PXDNL: variants seen among roughly 807,000 people sequenced by gnomAD.
PXDNL encodes the protein peroxidasin like, also known as probable oxidoreductase PXDNL.
A neutral mutation model predicts 150.8 loss-of-function variants in PXDNL; 145 were observed. The ratio of observed to expected loss-of-function variants is 0.96; its 90% CI spans 0.84 to 1.10. The LOEUF (loss-of-function observed/expected upper bound fraction) is 1.10. PXDNL is among the 50% of genes least tolerant of loss of function. The probability of loss-of-function intolerance (pLI) is 0.00; values close to 1 mark genes in which losing one functional copy is unlikely to be tolerated. For synonymous variants in PXDNL, 757 were observed against 725.7 expected (o/e 1.04, Z -0.69); for missense variants, 2,087 against 1,873.9 (o/e 1.11, Z -2.10).
chr8:51,324,530 CTCTT>C (rs1805426424), intron 21 of PXDNL, among the ~76,000 whole-genome samples: 1 of 152,206 alleles, frequency 6.6e-6, no homozygotes, highest in Non-Finnish European at 1.5e-5. Flanking sequence ...CTTCCCTTCT[CTCTT>C]CTTTCTATCC....
intron 2 of PXDNL, among the ~76,000 whole-genome samples, chr8:51,601,128 C>T (rs544044893): frequency 2.0e-5 from 3 of 150,762 alleles, no homozygotes; most frequent in African/African-American, 7.3e-5. Flanking sequence ...TTGATACTTG[C>T]TTTATGGCCA....
At chr8:51,325,720 T>A (rs898395591) in intron 21 of PXDNL, among the ~76,000 whole-genome samples, 1 of 152,100 alleles carries the variant, frequency 6.6e-6, no homozygotes, top group Non-Finnish European at 1.5e-5. Context: ...TGACCCCAAG[T>A]TTTTGCATGC....
intron 1 of PXDNL, among the ~76,000 whole-genome samples, chr8:51,775,713 A>C (rs934278899): frequency 2.6e-5 from 4 of 152,206 alleles, no homozygotes; most frequent in African/African-American, 9.6e-5. Flanking sequence ...CATCATCTTC[A>C]TAAGCTGAGG....
At position 51,547,070 on chromosome 8, in the gene PXDNL, T is replaced by C. The variant is rs141486089; in HGVS notation, c.380+9770A>G. On this transcript the variant is annotated intron_variant, in intron 4 of 22. Coordinates refer to ENST00000356297, the MANE Select transcript of PXDNL (RefSeq NM_144651.5). The stretch of plus-strand genomic sequence containing the variant: ...TGATGGTTTTCTCTACCTGCCCTTA[T>C]AGCCAAAGGCAAAAGACATAAACTT... Among the ~76,000 whole-genome samples the C allele has an allele frequency of 2.5e-3, 381 of 152,250 alleles. 1 individual carries two copies. Among genetic ancestry groups the C allele is most frequent in the African/African-American group, 8.7e-3 (361 of 41,542 alleles).
chr8:51,769,209 C>T (rs1490418714), intron 1 of PXDNL, among the ~76,000 whole-genome samples: 3 of 152,150 alleles, frequency 2.0e-5, no homozygotes, highest in African/African-American at 7.2e-5. Context: ...TACTATGTGC[C>T]CAGCAGTTCA....
At chr8:51,393,277 G>T (rs1335447119) in intron 17 of PXDNL, among the ~76,000 whole-genome samples, 2 of 152,200 alleles carry the variant, frequency 1.3e-5, no homozygotes, top group Admixed American at 6.5e-5. Flanking sequence ...CATCCAGGCA[G>T]TCTGCTAAGT....
intron 3 of PXDNL, among the ~76,000 whole-genome samples, chr8:51,575,832 G>C (rs1373782715): frequency 1.3e-5 from 2 of 151,650 alleles, no homozygotes; most frequent in East Asian, 3.9e-4. Flanking sequence ...AAAAAGTTAG[G>C]TCATGCAAAC....
intron 1 of PXDNL, among the ~76,000 whole-genome samples, chr8:51,779,424 C>T (rs1485989906): frequency 6.6e-6 from 1 of 152,142 alleles, no homozygotes; most frequent in East Asian, 1.9e-4. Flanking sequence ...GTCGGGAACC[C>T]CTGACAGTAA....
intron 1 of PXDNL, among the ~76,000 whole-genome samples, chr8:51,778,536 G>A (rs1188609902): frequency 2.6e-5 from 4 of 152,148 alleles, no homozygotes; most frequent in Non-Finnish European, 5.9e-5. Context: ...GAGCTCTTGA[G>A]GGATGTGATG....
chr8:51,483,167 G>A (rs1461937729), intron 6 of PXDNL, among the ~76,000 whole-genome samples: 2 of 152,202 alleles, frequency 1.3e-5, no homozygotes, highest in African/African-American at 4.8e-5. Context: ...ATGGGAGCAG[G>A]GAAGCTGTGG....
chr8:51,645,298 C>A (rs1814893466), intron 2 of PXDNL, among the ~76,000 whole-genome samples: 1 of 152,172 alleles, frequency 6.6e-6, no homozygotes, highest in African/African-American at 2.4e-5. Context: ...GCCACCAATT[C>A]ATGCTTATCT....
intron 3 of PXDNL, among the ~76,000 whole-genome samples, chr8:51,576,473 A>G (rs1813057690): frequency 6.6e-6 from 1 of 151,924 alleles, no homozygotes; most frequent in African/African-American, 2.4e-5. Context: ...ATCGGACTAA[A>G]TCAAAGTGAA....
intron 2 of PXDNL, among the ~76,000 whole-genome samples, chr8:51,650,914 G>A (rs1416641760): frequency 6.6e-6 from 1 of 152,144 alleles, no homozygotes; most frequent in East Asian, 1.9e-4. Context: ...ATCACGTGCT[G>A]TCCCCTGAGA....
intron 8 of PXDNL, among the ~76,000 whole-genome samples, chr8:51,467,751 T>C (rs921414911): frequency 6.6e-6 from 1 of 152,108 alleles, no homozygotes; most frequent in Non-Finnish European, 1.5e-5. Flanking sequence ...GTTTTGCCAT[T>C]ATTATGCAAT....
intron 1 of PXDNL, among the ~76,000 whole-genome samples, chr8:51,757,656 T>C (rs779947074): frequency 2.6e-4 from 39 of 152,246 alleles, no homozygotes; most frequent in Non-Finnish European, 4.7e-4. Context: ...CAATGTCCAA[T>C]TGGCTTGTTT....
chr8:51,727,664 G>A (rs1816840128), intron 1 of PXDNL, among the ~76,000 whole-genome samples: 1 of 152,132 alleles, frequency 6.6e-6, no homozygotes, highest in Non-Finnish European at 1.5e-5. Flanking sequence ...GGAAAAAAAA[G>A]GAAGAAACAC....
At chr8:51,430,590 ACT>A (rs1390115877) in intron 12 of PXDNL, among the ~76,000 whole-genome samples, 1 of 151,760 alleles carries the variant, frequency 6.6e-6, no homozygotes, top group Non-Finnish European at 1.5e-5. Context: ...CAGAACTTGA[ACT>A]CTCTCTTTGT....
intron 2 of PXDNL, among the ~76,000 whole-genome samples, chr8:51,614,170 C>T (rs952510952): frequency 1.3e-5 from 2 of 152,192 alleles, no homozygotes; most frequent in African/African-American, 4.8e-5. Context: ...ACAGATCAGT[C>T]AGCACCAGTC....
chr8:51,504,055 CTCT>C (rs1207188877), intron 4 of PXDNL, among the ~76,000 whole-genome samples: 3 of 152,082 alleles, frequency 2.0e-5, no homozygotes, highest in Non-Finnish European at 2.9e-5. Flanking sequence ...GCAATGACCC[CTCT>C]GTCTCCCTCA....
Sources: gnomAD v4.1 joint callset for allele counts (sites outside exome capture counted in the v4.1 genomes callset) on GRCh38, gnomAD v4.1.1 for gene constraint, MANE v1.5 for transcripts, NCBI Gene and HGNC (gene_info 2026-07-23, HGNC 2026-07-21) for gene names.